Variants in DNM3 observed in about 807,000 individuals in gnomAD.
The protein encoded by DNM3 is dynamin 3, also known as dynamin-3.
A neutral mutation model predicts 101.6 loss-of-function variants in DNM3; 47 were observed. The observed-to-expected ratio is 0.46, with a 90% CI of 0.37 to 0.59. The LOEUF is 0.59. Ranked by LOEUF, DNM3 falls within the 20% of genes least tolerant of loss-of-function variation. DNM3 has a pLI of 0.00. For missense variants in DNM3, 849 were observed against 1,085.7 expected, an observed-to-expected ratio of 0.78 and a Z score of 3.06; for synonymous variants, 385 against 387.9, an observed-to-expected ratio of 0.99 and a Z score of 0.09.
chr1:172,339,339 C>T (rs763404644), intron 17 of DNM3, among the ~76,000 whole-genome samples: 6 of 152,168 alleles, frequency 3.9e-5, no homozygotes, highest in Non-Finnish European at 7.3e-5. Flanking sequence ...TATTTTCTCA[C>T]CAATATGTTT....
intron 4 of DNM3, among the ~76,000 whole-genome samples, chr1:172,015,053 T>C (rs1572092324): frequency 6.6e-6 from 1 of 152,312 alleles, no homozygotes; most frequent in East Asian, 1.9e-4. Context: ...TCCACCATAT[T>C]GCCTTTGTAT....
intron 2 of DNM3, among the ~76,000 whole-genome samples, chr1:171,983,291 C>T (rs372997500): frequency 6.6e-6 from 1 of 151,686 alleles, no homozygotes; most frequent in Non-Finnish European, 1.5e-5. Flanking sequence ...CTCATCACTA[C>T]AAAAAATAAA....
chr1:172,194,786 G>A (rs902777488), intron 14 of DNM3, among the ~76,000 whole-genome samples: 23 of 152,010 alleles, frequency 1.5e-4, no homozygotes, highest in Non-Finnish European at 2.9e-4. Flanking sequence ...CCTGAATACA[G>A]CACACTGATG....
chr1:172,255,983 T>C (rs2062381372), intron 15 of DNM3, among the ~76,000 whole-genome samples: 1 of 152,152 alleles, frequency 6.6e-6, no homozygotes, highest in Admixed American at 6.5e-5. Flanking sequence ...ATTGTATGAT[T>C]CTTCTTCTTT....
chr1:172,282,911 C>T (rs2063544363), intron 15 of DNM3, among the ~76,000 whole-genome samples: 2 of 152,184 alleles, frequency 1.3e-5, no homozygotes, highest in Admixed American at 1.3e-4. Context: ...AGGCTTCAGG[C>T]TTTACCTTTG....
At chr1:172,065,087 G>T (rs1199623458) in intron 10 of DNM3, among the ~76,000 whole-genome samples, 1 of 152,196 alleles carries the variant, frequency 6.6e-6, no homozygotes, top group Non-Finnish European at 1.5e-5. Context: ...ATTCTTAGAT[G>T]TCTCTACTTC....
Position 172,410,212 on chromosome 1 carries a change from G to T in DNM3, c.*2371G>T. 1.0e-6 allele frequency: 1 copy of T among 985,326 alleles called. No individual in the cohort carries two copies. The highest frequency in any genetic ancestry group is 1.2e-6 in the Non-Finnish European group (1 of 829,862). 61.0% of individuals were successfully genotyped at this position (985,326 alleles called of 1,614,324 possible). ...TAGTATGAATCTCATTTCCCAAAGGGTTTGTATTCTGCTAAAAGGAGATGC... is the reference window on the plus strand; with the variant it reads ...TAGTATGAATCTCATTTCCCAAAGGTTTTGTATTCTGCTAAAAGGAGATGC... On this transcript the variant is annotated 3_prime_UTR_variant, in exon 21 of 21. Coordinates refer to ENST00000627582, the MANE Select transcript of DNM3 (RefSeq NM_015569.5).
chr1:171,996,305 A>T (rs2045992015), intron 4 of DNM3, among the ~76,000 whole-genome samples: 2 of 152,158 alleles, frequency 1.3e-5, no homozygotes, highest in South Asian at 4.1e-4. Flanking sequence ...TGATGTTTTG[A>T]ATATATTTTT....
intron 15 of DNM3, among the ~76,000 whole-genome samples, chr1:172,304,771 C>T (rs904852286): frequency 2.0e-5 from 3 of 152,094 alleles, no homozygotes; most frequent in Admixed American, 1.3e-4. Flanking sequence ...ACAACCTGCT[C>T]CTGAAGGACT....
At chr1:172,039,308 G>A (rs866495536) in intron 7 of DNM3, among the ~76,000 whole-genome samples, 2 of 152,068 alleles carry the variant, frequency 1.3e-5, no homozygotes, top group Admixed American at 1.3e-4. Flanking sequence ...CCCCAGCAGC[G>A]TGGCAATCAA....
At chr1:172,321,227 G>T (rs990504426) in intron 16 of DNM3, among the ~76,000 whole-genome samples, 4 of 152,202 alleles carry the variant, frequency 2.6e-5, no homozygotes, top group Non-Finnish European at 5.9e-5. Context: ...AGGAGAAGAA[G>T]AGGAATAGCC....
intron 13 of DNM3, among the ~76,000 whole-genome samples, chr1:172,110,097 A>G (rs1170827077): frequency 6.6e-6 from 1 of 152,192 alleles, no homozygotes; most frequent in Non-Finnish European, 1.5e-5. Context: ...TAAAGTTCTA[A>G]CATTCATTAT....
intron 14 of DNM3, among the ~76,000 whole-genome samples, chr1:172,208,014 C>T (rs1366654455): frequency 6.6e-6 from 1 of 151,596 alleles, no homozygotes; most frequent in Non-Finnish European, 1.5e-5. Flanking sequence ...GTTTGTATAG[C>T]TTTATGTAGA....
chr1:172,380,275 A>T (rs1558066061), intron 18 of DNM3, among the ~76,000 whole-genome samples: 1 of 152,064 alleles, frequency 6.6e-6, no homozygotes, highest in Non-Finnish European at 1.5e-5. Flanking sequence ...ATATAATTGT[A>T]AGAAATTAAT....
chr1:172,206,785 A>G (rs2060338125), intron 14 of DNM3, among the ~76,000 whole-genome samples: 1 of 152,096 alleles, frequency 6.6e-6, no homozygotes, highest in South Asian at 2.1e-4. Context: ...ATACTTTGAG[A>G]ACTGCTGACC....
intron 17 of DNM3, among the ~76,000 whole-genome samples, chr1:172,327,343 T>C (rs2065977058): frequency 2.0e-5 from 3 of 152,116 alleles, no homozygotes; most frequent in African/African-American, 4.8e-5. Flanking sequence ...CCAAGTCAAA[T>C]GGCACCAAAG....
intron 2 of DNM3, among the ~76,000 whole-genome samples, chr1:171,945,356 A>G (rs1249558097): frequency 6.6e-6 from 1 of 152,206 alleles, no homozygotes; most frequent in Non-Finnish European, 1.5e-5. Flanking sequence ...TAAAGAGTTC[A>G]GAAACAGAAC....
At chr1:171,881,008 G>T (rs1210119346) in intron 1 of DNM3, among the ~76,000 whole-genome samples, 3 of 151,888 alleles carry the variant, frequency 2.0e-5, no homozygotes, top group African/African-American at 7.2e-5. Context: ...ATTGTTTTTT[G>T]GTTGGGAATA....
intron 14 of DNM3, among the ~76,000 whole-genome samples, chr1:172,215,573 GA>G (rs2060663528): frequency 6.6e-6 from 1 of 151,528 alleles, no homozygotes; most frequent in East Asian, 1.9e-4. Flanking sequence ...TTTTATCAGA[GA>G]AAAAAATTGG....
Sources: allele counts gnomAD v4.1 joint callset (sites outside exome capture counted in the v4.1 genomes callset), GRCh38; gene constraint gnomAD v4.1.1; transcripts MANE v1.5; gene names NCBI Gene and HGNC (gene_info 2026-07-23, HGNC 2026-07-21).